PKP4: variants seen among roughly 807,000 people sequenced by gnomAD.
The protein encoded by PKP4 is plakophilin-4.
PKP4 carries 90 observed loss-of-function variants against 145.1 expected under a neutral mutation model. That is an observed-to-expected ratio of 0.62 (90% CI 0.52 to 0.74). PKP4 has a LOEUF of 0.74. Among genes scored for constraint, PKP4 ranks in the 30% least tolerant of loss-of-function variants. The probability of loss-of-function intolerance (pLI) is 0.00; values close to 1 mark genes in which losing one functional copy is unlikely to be tolerated. For missense variants in PKP4, 1,340 were observed against 1,482.7 expected, an observed-to-expected ratio of 0.90 and a Z score of 1.58; for synonymous variants, 563 against 577.2, an observed-to-expected ratio of 0.98 and a Z score of 0.35.
At chr2:158,526,313 T>C (rs2042935308) in intron 1 of PKP4, among the ~76,000 whole-genome samples, 1 of 135,148 alleles carries the variant, frequency 7.4e-6, no homozygotes, top group African/African-American at 2.8e-5. Context: ...ATCCCTGGGA[T>C]GTAAGGCTGG....
At chr2:158,610,613 G>T (rs532606642) in intron 4 of PKP4, among the ~76,000 whole-genome samples, 1 of 152,262 alleles carries the variant, frequency 6.6e-6, no homozygotes, top group East Asian at 1.9e-4. Context: ...TGAAGCCATG[G>T]ATTGAAGTTT....
chr2:158,616,420 A>G (rs747819664), intron 4 of PKP4, among the ~76,000 whole-genome samples: 13 of 152,184 alleles, frequency 8.5e-5, no homozygotes, highest in African/African-American at 2.4e-5. Flanking sequence ...GTCCTACAGG[A>G]AAGGAGAGCC....
At chr2:158,532,174 A>G (rs555537269) in intron 1 of PKP4, among the ~76,000 whole-genome samples, 19 of 152,340 alleles carry the variant, frequency 1.2e-4, no homozygotes, top group Admixed American at 4.6e-4. Flanking sequence ...TAAATGAATA[A>G]TAATAGTAGA....
chr2:158,596,084 C>G (rs892380918), intron 3 of PKP4, among the ~76,000 whole-genome samples: 2 of 149,586 alleles, frequency 1.3e-5, no homozygotes, highest in African/African-American at 4.9e-5. Context: ...GTAGACTTAG[C>G]TAGAACTTCT....
chr2:158,477,684 T>TA (rs1426164488), intron 1 of PKP4, among the ~76,000 whole-genome samples: 1 of 152,108 alleles, frequency 6.6e-6, no homozygotes. Context: ...TATCCTGGTT[T>TA]AAAAAATGGT....
chr2:158,539,249 A>G (rs762245774), intron 2 of PKP4, among the ~76,000 whole-genome samples: 9 of 152,316 alleles, frequency 5.9e-5, no homozygotes, highest in Non-Finnish European at 1.0e-4. Context: ...ACTGTGTCCT[A>G]TTGATGTTAC....
intron 1 of PKP4, among the ~76,000 whole-genome samples, chr2:158,491,498 C>T (rs1161516647): frequency 6.6e-6 from 1 of 151,794 alleles, no homozygotes; most frequent in Non-Finnish European, 1.5e-5. Flanking sequence ...TTTTGGGTAT[C>T]CTCTTCTGTA....
chr2:158,502,903 C>T (rs1442845727), intron 1 of PKP4, among the ~76,000 whole-genome samples: 1 of 152,216 alleles, frequency 6.6e-6, no homozygotes, highest in African/African-American at 2.4e-5. Flanking sequence ...AAACTTTGGA[C>T]ACAAATCCTC....
intron 1 of PKP4, among the ~76,000 whole-genome samples, chr2:158,489,386 G>A (rs1313486667): frequency 6.6e-6 from 1 of 152,130 alleles, no homozygotes; most frequent in Non-Finnish European, 1.5e-5. Flanking sequence ...GATTTCTGAC[G>A]CTAAAACCTA....
intron 1 of PKP4, among the ~76,000 whole-genome samples, chr2:158,471,989 T>C (rs900025368): frequency 2.6e-5 from 4 of 152,232 alleles, no homozygotes; most frequent in Admixed American, 2.0e-4. Flanking sequence ...CAAAAAGCGC[T>C]ATCTAGGAAG....
At chr2:158,676,600 C>A in intron 19 of PKP4, 139 bp from the exon 20 acceptor site, 1 of 1,024,266 alleles carries the variant, frequency 9.8e-7, no homozygotes, top group Non-Finnish European at 1.5e-6. Flanking sequence ...ACTCCCAGCA[C>A]CTCTGAGATA....
At chr2:158,482,071 T>A (rs1038260902) in intron 1 of PKP4, among the ~76,000 whole-genome samples, 10 of 152,224 alleles carry the variant, frequency 6.6e-5, no homozygotes, top group African/African-American at 2.4e-4. Flanking sequence ...GTCTAAAATA[T>A]ATCCACTAGT....
chr2:158,531,453 C>G (rs545573602), intron 1 of PKP4, among the ~76,000 whole-genome samples: 2 of 152,256 alleles, frequency 1.3e-5, no homozygotes, highest in East Asian at 3.9e-4. Context: ...ACTTTTATAT[C>G]TTTACTTGCC....
intron 2 of PKP4, among the ~76,000 whole-genome samples, chr2:158,550,208 A>T (rs2045496496): frequency 9.8e-6 from 1 of 101,878 alleles, no homozygotes; most frequent in African/African-American, 2.7e-5. Context: ...TGTAATGTGT[A>T]TCAAAGTGGA....
rs185163064 is a variant in PKP4 at position 158,589,134 on chromosome 2, T to C, written c.245+11751T>C. 1.3e-3 allele frequency among the ~76,000 whole-genome samples: 196 copies of C among 152,278 alleles called. 1 individual carries two copies. The highest frequency in any genetic ancestry group is 4.5e-3 in the African/African-American group (188 of 41,550). ...TAAAAATCCCTTTCTATAATTATAG[T>C]GTAGGAAAGAGAATAGCAGCAGTTG... On this transcript the variant is annotated intron_variant, in intron 3 of 21. Transcript: ENST00000389759.
chr2:158,553,032 C>T (rs2045767254), intron 2 of PKP4, among the ~76,000 whole-genome samples: 1 of 152,078 alleles, frequency 6.6e-6, no homozygotes, highest in Non-Finnish European at 1.5e-5. Flanking sequence ...TGAATTGTCT[C>T]TCCCAGTCCT....
intron 1 of PKP4, among the ~76,000 whole-genome samples, chr2:158,468,910 G>A (rs1235670906): frequency 6.6e-6 from 1 of 151,332 alleles, no homozygotes; most frequent in African/African-American, 2.4e-5. Context: ...GAGTACCTGG[G>A]ACTACAGGCA....
At chr2:158,652,762 A>T (rs1451051870) in intron 11 of PKP4, among the ~76,000 whole-genome samples, 2 of 152,178 alleles carry the variant, frequency 1.3e-5, no homozygotes, top group Non-Finnish European at 2.9e-5. Flanking sequence ...CATAAGGAGC[A>T]GTGTTCCCCA....
At chr2:158,579,014 A>T (rs532140140) in intron 3 of PKP4, among the ~76,000 whole-genome samples, 1 of 152,176 alleles carries the variant, frequency 6.6e-6, no homozygotes, top group South Asian at 2.1e-4. Context: ...TCAAGATGGT[A>T]TGTTTGAACT....
Sources: gnomAD v4.1 joint callset for allele counts (sites outside exome capture counted in the v4.1 genomes callset) on GRCh38, gnomAD v4.1.1 for gene constraint, MANE v1.5 for transcripts, NCBI Gene and HGNC (gene_info 2026-07-23, HGNC 2026-07-21) for gene names.